Variants in IKBIP observed in about 807,000 individuals in gnomAD.
IKBIP encodes the protein IKBKB interacting protein, also known as inhibitor of nuclear factor kappa-B kinase-interacting protein.
In IKBIP, 28 loss-of-function variants were observed where a neutral mutation model predicts 31.0. The ratio of observed to expected loss-of-function variants is 0.90; its 90% CI spans 0.67 to 1.24. IKBIP has a LOEUF of 1.24. IKBIP is among the 50% of genes most tolerant of loss of function. The pLI is 0.00. For missense variants in IKBIP, 453 were observed against 441.9 expected (o/e 1.03, Z -0.23); for synonymous variants, 164 against 160.3 (o/e 1.02, Z -0.17).
intron 1 of IKBIP, among the ~76,000 whole-genome samples, chr12:98,638,012 G>C (rs998217421): frequency 6.6e-6 from 1 of 152,190 alleles, no homozygotes; most frequent in Non-Finnish European, 1.5e-5. Context: ...TTCCCATTTA[G>C]ATGAGAGTGA....
exon 3 of IKBIP, chr12:98,614,177 A>G (rs1395200881): frequency 7.4e-6 from 12 of 1,613,890 alleles, no homozygotes; most frequent in Non-Finnish European, 1.0e-5. Context: ...TACTTTTGTA[A>G]TGTCTTGAGA....
intron 1 of IKBIP, among the ~76,000 whole-genome samples, chr12:98,638,597 T>C (rs539863025): frequency 1.3e-5 from 2 of 151,716 alleles, no homozygotes; most frequent in African/African-American, 4.8e-5. Context: ...GGTTGTAGTT[T>C]GTTTTTCGAC....
intron 2 of IKBIP, among the ~76,000 whole-genome samples, chr12:98,617,951 G>A (rs904933281): frequency 1.3e-5 from 2 of 152,178 alleles, no homozygotes; most frequent in Non-Finnish European, 2.9e-5. Context: ...TGATTTGACA[G>A]CATATACTGT....
chr12:98,635,809 T>C (rs1269819835), intron 1 of IKBIP, among the ~76,000 whole-genome samples: 1 of 152,000 alleles, frequency 6.6e-6, no homozygotes, highest in African/African-American at 2.4e-5. Flanking sequence ...GGTATGAAAA[T>C]AGAAAAAAGC....
At chr12:98,621,595 G>A (rs1453919821), downstream of IKBIP, among the ~76,000 whole-genome samples, 1 of 152,194 alleles carries the variant, frequency 6.6e-6, no homozygotes, top group African/African-American at 2.4e-5. Flanking sequence ...GCTCCATGGT[G>A]TAGTGAGATG....
Position 98,626,247 on chromosome 12 carries a change from A to G in IKBIP, c.817T>C (p.Leu273=), listed in dbSNP as rs376250020. The G allele has an allele frequency of 3.8e-5, 61 of 1,614,150 alleles. No homozygotes were observed. The East Asian group carries it at 9.4e-4, about 25-fold the overall frequency. The change falls in exon 3 of 3, where the codon TTG becomes CTG. Residue 273 remains leucine (L), a synonymous_variant. Coordinates refer to ENST00000299157, the MANE Select transcript of IKBIP (RefSeq NM_153687.4). ...TGAATAGCACTTTCAATTGTTGGCA[A>G]ATGTGTCTTGCATTCTTCAACTTTG... ...EPKVEECKTH[L]PTIESAIHSV...
intron 2 of IKBIP, among the ~76,000 whole-genome samples, chr12:98,633,315 TG>T (rs1457106385): frequency 6.6e-6 from 1 of 152,132 alleles, no homozygotes; most frequent in Non-Finnish European, 1.5e-5. Context: ...GACTTTCTCC[TG>T]AGAGGTGTGG....
rs180762432 is a variant in IKBIP at position 98,641,004 on chromosome 12, G to A, written c.179+3519C>T. 6.5e-3 allele frequency among the ~76,000 whole-genome samples: 986 copies of A among 152,202 alleles called. 13 individuals are homozygous for A. Among genetic ancestry groups the A allele is most frequent in the Non-Finnish European group, 6.6e-3 (451 of 68,002 alleles). On this transcript the variant is annotated intron_variant, in intron 1 of 2. Transcript: ENST00000299157. ...TCTTGAACTCCTGAGCTCAAGATCC[G>A]CCCAACTCGGCCTCCCAAAGTGCTG...
At chr12:98,615,190 T>G (rs147698430) in intron 2 of IKBIP, among the ~76,000 whole-genome samples, 6 of 152,354 alleles carry the variant, frequency 3.9e-5, no homozygotes, top group African/African-American at 1.4e-4. Context: ...TCATGTATTT[T>G]TTTTTGTAGT....
intron 2 of IKBIP, among the ~76,000 whole-genome samples, chr12:98,628,364 C>T (rs1352897080): frequency 6.6e-6 from 1 of 152,224 alleles, no homozygotes; most frequent in Non-Finnish European, 1.5e-5. Context: ...CTAGACTAAG[C>T]TTTTAAAAAC....
intron 2 of IKBIP, among the ~76,000 whole-genome samples, chr12:98,618,926 T>C (rs1175499263): frequency 6.6e-6 from 1 of 152,180 alleles, no homozygotes; most frequent in Non-Finnish European, 1.5e-5. Flanking sequence ...ATAATTATAA[T>C]GAAGTACAGA....
chr12:98,643,951 G>C (rs1194829517), intron 1 of IKBIP, among the ~76,000 whole-genome samples: 1 of 151,942 alleles, frequency 6.6e-6, no homozygotes, highest in Non-Finnish European at 1.5e-5. Context: ...GAGGAACTGG[G>C]ACTACAGGCG....
At chr12:98,631,066 G>C (rs2097619729) in intron 2 of IKBIP, among the ~76,000 whole-genome samples, 1 of 151,668 alleles carries the variant, frequency 6.6e-6, no homozygotes, top group Non-Finnish European at 1.5e-5. Context: ...CCGAGTAGCT[G>C]GGATTACAGG....
rs752553685 is a variant in IKBIP, at chr12:98,614,011, A to AT, written c.626dup (p.Asn209LysfsTer8). 1.9e-6 allele frequency: 3 copies of AT among 1,609,342 alleles called. No individual in the cohort carries two copies. Among genetic ancestry groups the AT allele is most frequent in the South Asian group, 1.1e-5 (1 of 90,210 alleles). ...GAAGATCACCTATATTTTTTACTGT[A>AT]TTTTTTTCTACTTTCTCTATTTTAT... On this transcript the variant is annotated frameshift_variant, in exon 3 of 3. Coordinates refer to the IKBIP transcript ENST00000342502. LOFTEE classifies it high-confidence loss of function.
rs2153296485 is a variant in IKBIP at position 98,625,303 on chromosome 12, A to G, written c.*627T>C. The stretch of plus-strand genomic sequence containing the variant: ...TAACACAGTTTAGAACCTTAACAAA[A>G]ACTAAAATGTTTCCCAGGCTTTAGA... On this transcript the variant is annotated 3_prime_UTR_variant, in exon 3 of 3. Coordinates refer to ENST00000299157, the MANE Select transcript of IKBIP (RefSeq NM_153687.4). 1.0e-6 allele frequency: 1 copy of G among 982,960 alleles called. No homozygotes were observed. Among genetic ancestry groups the G allele is most frequent in the African/African-American group, 1.7e-5 (1 of 57,334 alleles). The allele number at this position is 982,960 out of a possible 1,614,324, so 60.9% of individuals were successfully genotyped here.
chr12:98,626,830 C>A, intron 2 of IKBIP, 64 bp from the exon 3 acceptor site: 1 of 1,308,544 alleles, frequency 7.6e-7, no homozygotes, highest in Non-Finnish European at 1.1e-6. Context: ...GAGAAACACA[C>A]TTTAACAATC....
chr12:98,634,710 C>CT lies in IKBIP; in HGVS notation c.180-298dup, dbSNP rs552233683. Among the ~76,000 whole-genome samples, 861 of 131,874 alleles carry CT rather than the reference C, an allele frequency of 6.5e-3. 2 individuals are homozygous for CT. Among genetic ancestry groups the CT allele is most frequent in the African/African-American group, 0.015 (525 of 35,390 alleles). The allele number at this position is 131,874 out of a possible 152,430, so 86.5% of individuals were successfully genotyped here. On this transcript the variant is annotated intron_variant, in intron 1 of 2. Transcript: ENST00000299157. ...TATGTTGCCAAAGGTGGTCTTTAGC[C>CT]TTTTTTTTTTTTTTTTTGAGATGGA...
At position 98,625,268 on chromosome 12, in the gene IKBIP, C is replaced by G; in HGVS notation, c.*662G>C. 1.0e-6 allele frequency: 1 copy of G among 982,298 alleles called. No homozygotes were observed. The highest frequency in any genetic ancestry group is 4.7e-5 in the South Asian group (1 of 21,232). The allele number at this position is 982,298 out of a possible 1,614,324, so 60.8% of individuals were successfully genotyped here. A position where few individuals can be genotyped will look rare whatever the true frequency, so the allele number is the denominator to read the frequency against. On this transcript the variant is annotated 3_prime_UTR_variant, in exon 3 of 3. Transcript: ENST00000299157. ...ACTTACTCTGATTTTAAAAGTCTTA[C>G]AAGTATCTGTAACACAGTTTAGAAC...
exon 3 of IKBIP, chr12:98,613,630 A>T (rs1261113837): frequency 4.5e-6 from 7 of 1,553,434 alleles, no homozygotes; most frequent in Non-Finnish European, 6.1e-6. Context: ...TAATATCCTT[A>T]ATCTCAGCTT....
Sources: gnomAD v4.1 joint callset for allele counts (sites outside exome capture counted in the v4.1 genomes callset) on GRCh38, gnomAD v4.1.1 for gene constraint, MANE v1.5 for transcripts, NCBI Gene and HGNC (gene_info 2026-07-23, HGNC 2026-07-21) for gene names.